Variants in INSL6 observed in about 807,000 individuals in gnomAD.
INSL6 encodes the protein insulin like 6, also known as insulin-like peptide INSL6.
A neutral mutation model predicts 9.4 loss-of-function variants in INSL6; 16 were observed. That is an observed-to-expected ratio of 1.70 (90% CI 1.15 to 2.59). The LOEUF (loss-of-function observed/expected upper bound fraction) is 2.59, where lower values mean the gene tolerates loss of function less well. INSL6 is among the 30% of genes most tolerant of loss of function. INSL6 has a pLI of 0.00. For missense variants in INSL6, 391 were observed against 257.3 expected, an observed-to-expected ratio of 1.52 and a Z score of -3.56; for synonymous variants, 154 against 96.9, an observed-to-expected ratio of 1.59 and a Z score of -3.46.
At chr9:5,105,485 C>G in the INSL6 span, among the ~76,000 whole-genome samples, 1 of 152,190 alleles carries the variant, frequency 6.6e-6, no homozygotes, top group Non-Finnish European at 1.5e-5. Context: ...AATGGCGATA[C>G]TGCCCAAAGT....
At chr9:5,074,949 A>T in the INSL6 span, among the ~76,000 whole-genome samples, 12 of 152,196 alleles carry the variant, frequency 7.9e-5, no homozygotes, top group African/African-American at 2.9e-4. Context: ...TGAAAGTGCT[A>T]CTCCTGTGAG....
intron 2 of INSL6, among the ~76,000 whole-genome samples, chr9:5,138,338 C>G (rs983065355): frequency 6.6e-6 from 1 of 152,160 alleles, no homozygotes; most frequent in Non-Finnish European, 1.5e-5. Context: ...AACCCAAATG[C>G]CCATCAGTGA....
chr9:5,128,919 C>T (rs1485989545), intron 3 of INSL6, among the ~76,000 whole-genome samples: 1 of 151,972 alleles, frequency 6.6e-6, no homozygotes, highest in African/African-American at 2.4e-5. Context: ...AATTCTGTAA[C>T]TATTCCAGTA....
intron 3 of INSL6, chr9:5,126,491 A>G: frequency 7.5e-7 from 1 of 1,327,970 alleles, no homozygotes; most frequent in Non-Finnish European, 1.1e-6. Flanking sequence ...ATTTTCTTTT[A>G]CTTTTTACTC....
intron 2 of INSL6, among the ~76,000 whole-genome samples, chr9:5,141,791 C>G (rs2130887336): frequency 1.3e-5 from 2 of 152,280 alleles, no homozygotes; most frequent in South Asian, 4.1e-4. Flanking sequence ...TAAATCTTTG[C>G]CCATGCCTAT....
chr9:5,167,808 C>T (rs112478426), intron 1 of INSL6, among the ~76,000 whole-genome samples: 16,447 of 152,170 alleles, frequency 0.11, 2,745 homozygotes, highest in African/African-American at 0.36. Context: ...GACCTCCCAA[C>T]AGGAGTGTTC....
At chr9:5,171,318 G>T (rs375185950) in intron 1 of INSL6, among the ~76,000 whole-genome samples, 14 of 152,140 alleles carry the variant, frequency 9.2e-5, no homozygotes, top group Middle Eastern at 3.4e-3. Flanking sequence ...CAATAAATCA[G>T]GTGTTGATGG....
downstream of INSL6, among the ~76,000 whole-genome samples, chr9:5,120,821 G>C (rs556659369): frequency 1.6e-4 from 24 of 152,226 alleles, no homozygotes; most frequent in African/African-American, 4.8e-4. Flanking sequence ...AAATAATTAA[G>C]ATTTTCAAAT....
the INSL6 span, among the ~76,000 whole-genome samples, chr9:5,018,633 C>T: frequency 1.3e-5 from 2 of 152,240 alleles, no homozygotes; most frequent in Non-Finnish European, 1.5e-5. Context: ...GCCACTGTGC[C>T]TGGCCTGACA....
rs766645393 is a variant in INSL6, at chr9:5,126,399, T to C, written c.*11-1888A>G. ...GATCGTGTTCCATTTGATAGAACTTTTGAAGAATAATGGAAGATTACCAAG... is the reference window on the plus strand; with the variant it reads ...GATCGTGTTCCATTTGATAGAACTTCTGAAGAATAATGGAAGATTACCAAG... On this transcript the variant is annotated intron_variant, in intron 3 of 3. Transcript: ENST00000649639. 7 of 1,610,976 alleles carry C rather than the reference T, an allele frequency of 4.3e-6. No homozygotes were observed. Among genetic ancestry groups the C allele is most frequent in the East Asian group, 2.2e-5 (1 of 44,762 alleles).
At chr9:5,113,191 CTTTTTTT>C in the INSL6 span, among the ~76,000 whole-genome samples, 10 of 57,160 alleles carry the variant, frequency 1.7e-4, no homozygotes, top group Non-Finnish European at 2.0e-4. Flanking sequence ...CTGGCAGGAG[CTTTTTTT>C]TTTTTTTTTT....
At chr9:5,044,369 T>C in the INSL6 span, 1 of 1,353,206 alleles carries the variant, frequency 7.4e-7, no homozygotes, top group Non-Finnish European at 1.1e-6. Flanking sequence ...TTGAACTATT[T>C]GGAAGCTGAC....
At chr9:5,032,296 G>C in the INSL6 span, among the ~76,000 whole-genome samples, 2 of 152,290 alleles carry the variant, frequency 1.3e-5, no homozygotes, top group East Asian at 1.9e-4. Context: ...GAGGCCTGCC[G>C]GCCTCTGTAG....
the INSL6 span, among the ~76,000 whole-genome samples, chr9:5,017,044 C>G: frequency 6.6e-6 from 1 of 152,144 alleles, no homozygotes; most frequent in South Asian, 2.1e-4. Context: ...AACATTGCTG[C>G]TAATGCAAAC....
At chr9:5,063,018 C>A in the INSL6 span, among the ~76,000 whole-genome samples, 1 of 151,616 alleles carries the variant, frequency 6.6e-6, no homozygotes, top group Non-Finnish European at 1.5e-5. Flanking sequence ...TTTAGGATAC[C>A]TTTTATAGTA....
chr9:5,109,865 C>A, the INSL6 span: 9 of 152,244 alleles, frequency 5.9e-5, no homozygotes, highest in Admixed American at 4.6e-4. Context: ...AATATTCCAC[C>A]AACAAACTCT....
the INSL6 span, among the ~76,000 whole-genome samples, chr9:5,037,559 G>T: frequency 1.3e-5 from 2 of 152,178 alleles, no homozygotes; most frequent in East Asian, 1.9e-4. Flanking sequence ...CCTTTGTAGG[G>T]ACATGGATGA....
At chr9:5,165,007 A>G (rs903188560) in intron 1 of INSL6, among the ~76,000 whole-genome samples, 1 of 152,238 alleles carries the variant, frequency 6.6e-6, no homozygotes, top group East Asian at 1.9e-4. Flanking sequence ...CAGGAGTTCA[A>G]TACCAGCTTC....
intron 1 of INSL6, among the ~76,000 whole-genome samples, chr9:5,175,991 A>T (rs1279871241): frequency 6.6e-6 from 1 of 152,122 alleles, no homozygotes; most frequent in African/African-American, 2.4e-5. Context: ...CCAAGGAAAA[A>T]TTGTCTTCCA....
Sources: allele counts gnomAD v4.1 joint callset (sites outside exome capture counted in the v4.1 genomes callset), GRCh38; gene constraint gnomAD v4.1.1; transcripts MANE v1.5; gene names NCBI Gene and HGNC (gene_info 2026-07-23, HGNC 2026-07-21).